Variants in DLGAP1 observed in about 807,000 individuals in gnomAD.
The protein encoded by DLGAP1 is DLG associated protein 1.
DLGAP1 carries 11 observed loss-of-function variants against 90.8 expected under a neutral mutation model. The observed-to-expected ratio is 0.12, with a 90% CI of 0.08 to 0.20. The LOEUF is 0.20. Ranked by LOEUF, DLGAP1 falls within the 10% of genes least tolerant of loss-of-function variation. The probability of loss-of-function intolerance (pLI) is 1.00; values close to 1 mark genes in which losing one functional copy is unlikely to be tolerated. For missense variants in DLGAP1, 1,050 were observed against 1,333.8 expected, an observed-to-expected ratio of 0.79 and a Z score of 3.31; for synonymous variants, 558 against 540.7, an observed-to-expected ratio of 1.03 and a Z score of -0.44.
chr18:3,998,554 T>C (rs1400019592), intron 3 of DLGAP1, among the ~76,000 whole-genome samples: 2 of 152,188 alleles, frequency 1.3e-5, no homozygotes, highest in African/African-American at 4.8e-5. Flanking sequence ...GAGAACATTA[T>C]CTGTGTGTGA....
At chr18:4,339,989 GTCTTC>G (rs1452064847) in intron 1 of DLGAP1, among the ~76,000 whole-genome samples, 15 of 152,018 alleles carry the variant, frequency 9.9e-5, no homozygotes, top group African/African-American at 1.9e-4. Flanking sequence ...TGTTACATTG[GTCTTC>G]TCTTATCAAT....
At chr18:4,018,356 C>T (rs2074555967) in intron 2 of DLGAP1, among the ~76,000 whole-genome samples, 1 of 152,226 alleles carries the variant, frequency 6.6e-6, no homozygotes, top group Admixed American at 6.5e-5. Flanking sequence ...AGTGGCCAGA[C>T]ATTGGATGTG....
rs532329831 is a variant in DLGAP1, at chr18:4,161,816, T to C, written c.-266-10529A>G. Among the ~76,000 whole-genome samples, 9 of 152,212 alleles carry C rather than the reference T, an allele frequency of 5.9e-5. 1 individual carries two copies. In the South Asian group the frequency reaches 1.5e-3, roughly 25 times the overall value. On this transcript the variant is annotated intron_variant, in intron 1 of 12. Coordinates refer to ENST00000315677, the MANE Select transcript of DLGAP1 (RefSeq NM_004746.4). Reference sequence around the variant, plus strand: ...GCAGAGAATTACGTACCTTTAAAGGTTGATGGAAGTTTATCATGCCTCAGA... The same window carrying C: ...GCAGAGAATTACGTACCTTTAAAGGCTGATGGAAGTTTATCATGCCTCAGA...
At chr18:4,001,781 T>TG (rs1347446893) in intron 3 of DLGAP1, among the ~76,000 whole-genome samples, 1 of 152,172 alleles carries the variant, frequency 6.6e-6, no homozygotes, top group African/African-American at 2.4e-5. Context: ...TTAGGGTCCA[T>TG]GGGGCACAGG....
chr18:4,030,886 G>A (rs774814068), intron 2 of DLGAP1, among the ~76,000 whole-genome samples: 8 of 152,198 alleles, frequency 5.3e-5, no homozygotes, highest in Admixed American at 1.3e-4. Flanking sequence ...TTGCACCACT[G>A]CACTCCAGCC....
chr18:4,197,416 A>T (rs2077521751), intron 1 of DLGAP1, among the ~76,000 whole-genome samples: 1 of 152,126 alleles, frequency 6.6e-6, no homozygotes, highest in South Asian at 2.1e-4. Context: ...AATACAGAGC[A>T]TCTAGAATGG....
chr18:3,527,896 G>C (rs760531201), intron 10 of DLGAP1, among the ~76,000 whole-genome samples: 8 of 152,152 alleles, frequency 5.3e-5, no homozygotes, highest in Non-Finnish European at 8.8e-5. Context: ...CCCAGTGGGG[G>C]TATTTTAAAA....
chr18:3,585,198 G>T (rs1221037086), intron 7 of DLGAP1, among the ~76,000 whole-genome samples: 5 of 152,210 alleles, frequency 3.3e-5, no homozygotes, highest in African/African-American at 1.2e-4. Context: ...CCAGCCTCAG[G>T]TTCTTCCCAC....
intron 7 of DLGAP1, among the ~76,000 whole-genome samples, chr18:3,600,749 T>TAG (rs1663233728): frequency 1.5e-4 from 2 of 12,918 alleles, no homozygotes; most frequent in Non-Finnish European, 3.4e-4. Context: ...GATATATAGA[T>TAG]ATATATAGAT....
At chr18:3,732,495 CTTCT>C (rs1242834165) in intron 6 of DLGAP1, among the ~76,000 whole-genome samples, 4 of 152,090 alleles carry the variant, frequency 2.6e-5, no homozygotes, top group Non-Finnish European at 4.4e-5. Flanking sequence ...CTTGATTTGT[CTTCT>C]TTATTTACTA....
intron 2 of DLGAP1, among the ~76,000 whole-genome samples, chr18:4,076,113 G>A (rs781322589): frequency 6.6e-6 from 1 of 152,168 alleles, no homozygotes; most frequent in Non-Finnish European, 1.5e-5. Context: ...GCAGAAGAGA[G>A]AGCTGAAACT....
At chr18:3,751,582 G>A (rs1335688608) in intron 5 of DLGAP1, among the ~76,000 whole-genome samples, 30 of 139,476 alleles carry the variant, frequency 2.2e-4, no homozygotes, top group African/African-American at 5.1e-4. Context: ...TTTTTGAGAC[G>A]GAGTCTCACT....
At chr18:3,911,258 G>A (rs1322619316) in intron 3 of DLGAP1, among the ~76,000 whole-genome samples, 2 of 152,004 alleles carry the variant, frequency 1.3e-5, no homozygotes, top group African/African-American at 4.8e-5. Flanking sequence ...CACAGTAGTT[G>A]GCTTATCAAC....
At chr18:3,597,603 T>G in intron 7 of DLGAP1, 1 of 242,902 alleles carries the variant, frequency 4.1e-6, no homozygotes, top group Non-Finnish European at 8.1e-6. Flanking sequence ...TTGCTGGACT[T>G]TGGAGAAAAG....
In DLGAP1 at chr18:3,499,130, C is replaced by A; in HGVS notation, c.*55G>T. 4 of 1,426,068 alleles carry A rather than the reference C, an allele frequency of 2.8e-6. No individual in the cohort carries two copies. In the South Asian group the frequency reaches 5.6e-5, roughly 20 times the overall value. 88.3% of individuals were successfully genotyped at this position (1,426,068 alleles called of 1,614,324 possible). On this transcript the variant is annotated 3_prime_UTR_variant, in exon 13 of 13. Coordinates refer to ENST00000315677, the MANE Select transcript of DLGAP1 (RefSeq NM_004746.4). The surrounding 1 kb of genome is among the most constrained non-coding windows in gnomAD (Gnocchi z 6.4). ...GGGGGAGAGGCAGCCGGCAGAGGAG[C>A]GGCCGGGGGAGGAGGGGACAGATGC...
intron 3 of DLGAP1, among the ~76,000 whole-genome samples, chr18:3,901,229 C>T (rs542057751): frequency 6.6e-6 from 1 of 152,256 alleles, no homozygotes; most frequent in African/African-American, 2.4e-5. Context: ...CCTGCCTACA[C>T]AGCTCCTACT....
chr18:4,069,552 G>A (rs759500631), intron 2 of DLGAP1, among the ~76,000 whole-genome samples: 10 of 152,092 alleles, frequency 6.6e-5, no homozygotes, highest in Non-Finnish European at 2.9e-5. Flanking sequence ...GACTTTTCGT[G>A]AAATCTGCGT....
intron 8 of DLGAP1, among the ~76,000 whole-genome samples, chr18:3,573,844 G>A (rs998618637): frequency 3.3e-5 from 5 of 152,136 alleles, no homozygotes; most frequent in African/African-American, 1.2e-4. Flanking sequence ...TGGCACTCAG[G>A]TATGTGCCAG....
At chr18:3,837,364 T>C (rs1158230518) in intron 4 of DLGAP1, among the ~76,000 whole-genome samples, 1 of 152,220 alleles carries the variant, frequency 6.6e-6, no homozygotes, top group Non-Finnish European at 1.5e-5. Context: ...CCAGTTCTAT[T>C]TGTATATGGT....
Sources: allele counts gnomAD v4.1 joint callset (sites outside exome capture counted in the v4.1 genomes callset), GRCh38; gene constraint gnomAD v4.1.1; non-coding constraint Gnocchi (gnomAD v3.1); transcripts MANE v1.5; gene names NCBI Gene and HGNC (gene_info 2026-07-23, HGNC 2026-07-21).